Variants in DLEC1 observed in about 807,000 individuals in gnomAD.
The protein encoded by DLEC1 is deleted in lung and esophageal cancer protein 1.
A neutral mutation model predicts 198.1 loss-of-function variants in DLEC1; 146 were observed. The observed-to-expected ratio is 0.74, with a 90% CI of 0.64 to 0.85. DLEC1 has a LOEUF of 0.85. Among genes scored for constraint, DLEC1 ranks in the 40% least tolerant of loss-of-function variants. The pLI is 0.00. For synonymous variants in DLEC1, 897 were observed against 866.8 expected, an observed-to-expected ratio of 1.03 and a Z score of -0.61; for missense variants, 2,233 against 2,220.0, an observed-to-expected ratio of 1.01 and a Z score of -0.12.
In DLEC1 at chr3:38,122,818, T is replaced by TTTATC; in HGVS notation, c.*409_*413dup. 1.1e-6 allele frequency: 1 copy of TTTATC among 897,582 alleles called. No homozygotes were observed. Among genetic ancestry groups the TTTATC allele is most frequent in the Non-Finnish European group, 1.6e-6 (1 of 614,728 alleles). 55.6% of individuals were successfully genotyped at this position (897,582 alleles called of 1,614,324 possible). A position where few individuals can be genotyped will look rare whatever the true frequency, so the allele number is the denominator to read the frequency against. ...TGTGGCCTGGGTGACCCAGGCTGCT[T>TTTATC]TTATCTTGCACAGCTAAAGAGGGTC... On this transcript the variant is annotated 3_prime_UTR_variant, in exon 37 of 37. Coordinates refer to ENST00000308059, the MANE Select transcript of DLEC1 (RefSeq NM_007335.4).
At chr3:38,101,413 A>G (rs889014975) in intron 19 of DLEC1, among the ~76,000 whole-genome samples, 1 of 152,032 alleles carries the variant, frequency 6.6e-6, no homozygotes, top group African/African-American at 2.4e-5. Flanking sequence ...GAATATATAT[A>G]TATATTCATT....
chr3:38,054,408 G>C (rs1696240988), intron 2 of DLEC1, among the ~76,000 whole-genome samples: 1 of 152,206 alleles, frequency 6.6e-6, no homozygotes, highest in South Asian at 2.1e-4. Context: ...CTAGCCTACA[G>C]TGTTTCACAG....
In DLEC1 at chr3:38,068,232, T is replaced by TA. The variant is rs5848393; in HGVS notation, c.1173+4317dup. ...TATGTAGACTTCATTTCTTTTTTTT[T>TA]AAAACCTTTTTTTTTGAAATAAGGT... is the stretch of plus-strand genomic sequence containing the variant. On this transcript the variant is annotated intron_variant, in intron 6 of 36. Transcript: ENST00000308059. 3.4e-3 allele frequency among the ~76,000 whole-genome samples: 516 copies of TA among 151,906 alleles called. 3 individuals carry two copies. Among genetic ancestry groups the TA allele is most frequent in the African/African-American group, 0.012 (481 of 41,442 alleles).
At position 38,122,326 on chromosome 3, in the gene DLEC1, G is replaced by A; in HGVS notation, c.5182G>A (p.Gly1728Ser). Reference protein sequence around the residue: ...ELYESTMVVEGVLGEKSCTLR... With the variant: ...ELYESTMVVESVLGEKSCTLR... ...GTACGAGTCCACGATGGTGGTGGAA[G>A]GTGTGCTCGGTGAGAAGTCCTGCAC... The change falls in exon 37 of 37, where the codon GGT becomes AGT. Residue 1728 changes from glycine (G) to serine (S), a missense_variant. Gly to Ser is a moderately conservative substitution (Grantham distance 56). Coordinates refer to ENST00000308059, the MANE Select transcript of DLEC1 (RefSeq NM_007335.4). 6.2e-7 allele frequency: 1 copy of A among 1,614,070 alleles called. No individual in the cohort carries two copies. Among genetic ancestry groups the A allele is most frequent in the Non-Finnish European group, 8.5e-7 (1 of 1,179,958 alleles).
In DLEC1 at chr3:38,117,634, G is replaced by A. The variant is rs373487185; in HGVS notation, c.4485+23G>A. 3.2e-4 allele frequency: 523 copies of A among 1,613,966 alleles called. 1 individual carries two copies. The African/African-American group carries it at 6.3e-3, about 20-fold the overall frequency. On this transcript the variant is annotated intron_variant, in intron 32 of 36. Transcript: ENST00000308059. ...GGGGTGAGTGTGCTGCCACCCTCTGGCCCTGCCAGCTTACCTGGACCTCAG... is the reference window on the plus strand; with the variant it reads ...GGGGTGAGTGTGCTGCCACCCTCTGACCCTGCCAGCTTACCTGGACCTCAG...
In DLEC1 at chr3:38,117,594, G is replaced by T; in HGVS notation, c.4468G>T (p.Glu1490Ter). 2 of 1,614,090 alleles carry T rather than the reference G, an allele frequency of 1.2e-6. No individual in the cohort carries two copies. The highest frequency in any genetic ancestry group is 1.1e-5 in the South Asian group (1 of 91,064). The change falls in exon 32 of 37, where the codon GAG (glutamate) becomes TAG (stop). Residue 1490 changes from glutamate to a stop codon, truncating the protein, a stop_gained. Transcript: ENST00000308059. LOFTEE classifies it high-confidence loss of function. ...FQCQASDLIPEQPCSGVLSEL... is the reference protein window; with the variant it reads ...FQCQASDLIP Reference sequence around the variant, plus strand: ...GTGCCAGGCCAGTGACCTCATTCCCGAGCAGCCCTGCTCTGGGGTGAGTGT... The same window carrying T: ...GTGCCAGGCCAGTGACCTCATTCCCTAGCAGCCCTGCTCTGGGGTGAGTGT...
At chr3:38,121,506 T>C (rs1234734744) in intron 34 of DLEC1, 122 bp from the exon 35 acceptor site, 2 of 1,328,504 alleles carry the variant, frequency 1.5e-6, no homozygotes, top group Middle Eastern at 2.7e-4. Context: ...CCCTGCCAAC[T>C]TCTGGGAGCT....
At chr3:38,082,642 G>A (rs968152509) in intron 6 of DLEC1, among the ~76,000 whole-genome samples, 1 of 151,510 alleles carries the variant, frequency 6.6e-6, no homozygotes, top group African/African-American at 2.4e-5. Context: ...TGAAGGAGAA[G>A]GGGTTGAGGG....
At chr3:38,039,701 C>T in intron 1 of DLEC1, 65 bp downstream of exon 1, 2 of 1,512,540 alleles carry the variant, frequency 1.3e-6, no homozygotes, top group South Asian at 2.6e-5. Context: ...CACGCGTCAG[C>T]ACCTGCCAGG....
chr3:38,043,877 A>G (rs1700765105), intron 1 of DLEC1, among the ~76,000 whole-genome samples: 1 of 152,192 alleles, frequency 6.6e-6, no homozygotes, highest in South Asian at 2.1e-4. Context: ...AATCTTTATT[A>G]AAAGAATGAC....
chr3:38,120,700 C>T, intron 34 of DLEC1, 91 bp downstream of exon 34: 1 of 1,533,952 alleles, frequency 6.5e-7, no homozygotes, highest in Non-Finnish European at 8.8e-7. Context: ...CCTAGCAGGG[C>T]CCTCAGAAAT....
intron 19 of DLEC1, among the ~76,000 whole-genome samples, chr3:38,102,918 G>A (rs749901202): frequency 2.6e-5 from 4 of 152,298 alleles, no homozygotes; most frequent in South Asian, 2.1e-4. Flanking sequence ...TCTCTCCAGC[G>A]TGATACCCAC....
intron 7 of DLEC1, among the ~76,000 whole-genome samples, chr3:38,084,449 G>GGTAGTAGTA (rs1559430209): frequency 1.2e-4 from 1 of 8,264 alleles, no homozygotes; most frequent in Non-Finnish European, 2.6e-4. Context: ...TGGTGGTGGT[G>GGTAGTAGTA]GTGGTAGTAG....
intron 6 of DLEC1, among the ~76,000 whole-genome samples, chr3:38,075,905 A>G (rs931575765): frequency 1.3e-5 from 2 of 152,080 alleles, no homozygotes; most frequent in Non-Finnish European, 2.9e-5. Context: ...TCCCCTAGAA[A>G]AGCGGGACTT....
At position 38,122,626 on chromosome 3, in the gene DLEC1, A is replaced by G; in HGVS notation, c.*214A>G. On this transcript the variant is annotated 3_prime_UTR_variant, in exon 37 of 37. Transcript: ENST00000308059. ...CATAAAGGACAGGCCACACCACAGC[A>G]GAGACCACCACATTGAGATCACTAC... 2 of 1,523,104 alleles carry G rather than the reference A, an allele frequency of 1.3e-6. No individual in the cohort carries two copies. Among genetic ancestry groups the G allele is most frequent in the African/African-American group, 1.4e-5 (1 of 72,510 alleles). The allele number at this position is 1,523,104 out of a possible 1,614,324, so 94.3% of individuals were successfully genotyped here. A position where few individuals can be genotyped will look rare whatever the true frequency, so the allele number is the denominator to read the frequency against.
chr3:38,105,389 G>A (rs1699518777), intron 19 of DLEC1, among the ~76,000 whole-genome samples: 2 of 151,992 alleles, frequency 1.3e-5, no homozygotes, highest in African/African-American at 4.8e-5. Context: ...AACCATTATT[G>A]TTGAATTGCT....
At chr3:38,053,000 C>G (rs1025279958) in intron 2 of DLEC1, among the ~76,000 whole-genome samples, 1 of 152,192 alleles carries the variant, frequency 6.6e-6, no homozygotes, top group Non-Finnish European at 1.5e-5. Flanking sequence ...CTGTGTTGGC[C>G]GGGCTGGTCT....
chr3:38,070,880 A>G (rs1311966573), intron 6 of DLEC1, among the ~76,000 whole-genome samples: 1 of 152,196 alleles, frequency 6.6e-6, no homozygotes, highest in Non-Finnish European at 1.5e-5. Context: ...ATCTGGGCAT[A>G]TAGGTGCAAG....
At chr3:38,062,966 A>C (rs1029859156) in intron 5 of DLEC1, among the ~76,000 whole-genome samples, 165 bp downstream of exon 5, 1 of 152,066 alleles carries the variant, frequency 6.6e-6, no homozygotes, top group African/African-American at 2.4e-5. Flanking sequence ...TGGCCTTTGA[A>C]CCTTCCCCAG....
Sources: gnomAD v4.1 joint callset for allele counts (sites outside exome capture counted in the v4.1 genomes callset) on GRCh38, gnomAD v4.1.1 for gene constraint, MANE v1.5 for transcripts, NCBI Gene and HGNC (gene_info 2026-07-23, HGNC 2026-07-21) for gene names.